SFSWAP: variants seen among roughly 807,000 people sequenced by gnomAD.
SFSWAP encodes the protein splicing factor SWAP.
Under a neutral mutation model 100.7 loss-of-function variants are expected in SFSWAP, and 17 were observed. The observed-to-expected ratio is 0.17, with a 90% confidence interval of 0.12 to 0.25. The LOEUF is 0.25. Among genes scored for constraint, SFSWAP ranks in the 10% least tolerant of loss-of-function variants. The pLI is 1.00. For synonymous variants in SFSWAP, 504 were observed against 510.1 expected, an observed-to-expected ratio of 0.99 and a Z score of 0.16; for missense variants, 1,005 against 1,262.6, an observed-to-expected ratio of 0.80 and a Z score of 3.09.
intron 7 of SFSWAP, among the ~76,000 whole-genome samples, chr12:131,738,898 T>TTTTTTTTTTTTC (rs1880317919): frequency 8.6e-6 from 1 of 116,956 alleles, no homozygotes; most frequent in Non-Finnish European, 1.8e-5. Flanking sequence ...TTTTTTTTTT[T>TTTTTTTTTTTTC]TTTTTTTTTT....
intron 11 of SFSWAP, among the ~76,000 whole-genome samples, chr12:131,763,449 A>G (rs1456505780): frequency 6.6e-6 from 1 of 152,172 alleles, no homozygotes; most frequent in Non-Finnish European, 1.5e-5. Flanking sequence ...GCCATTTATC[A>G]CAGCATCTGA....
chr12:131,737,971 C>A (rs1364256107), intron 7 of SFSWAP, among the ~76,000 whole-genome samples: 1 of 151,934 alleles, frequency 6.6e-6, no homozygotes, highest in Non-Finnish European at 1.5e-5. Flanking sequence ...AGCTATAAAT[C>A]CTTATAGAAG....
In SFSWAP at chr12:131,728,327, C is replaced by A; in HGVS notation, c.980C>A (p.Ala327Glu). The part of the protein sequence containing the change: ...LKVVDPDHPL[A>E]ALVRKAQADS... ...GTAGTGGACCCAGATCATCCCCTCG[C>A]AGCACTTGTTCGTAAGGCACAGGCT... is the stretch of plus-strand genomic sequence containing the variant. The change falls in exon 7 of 18, where the codon GCA (alanine) becomes GAA (glutamate). Residue 327 changes from alanine (A) to glutamate (E), a missense_variant. Around this residue, in one of 7 missense-constraint regions of SFSWAP, gnomAD observed 22 missense variants for 52.6 expected, o/e 0.42. Coordinates refer to ENST00000261674, the MANE Select transcript of SFSWAP (RefSeq NM_004592.4). 6.2e-7 allele frequency: 1 copy of A among 1,614,242 alleles called. No individual in the cohort carries two copies. Among genetic ancestry groups the A allele is most frequent in the Middle Eastern group, 1.6e-4 (1 of 6,062 alleles).
intron 7 of SFSWAP, among the ~76,000 whole-genome samples, chr12:131,729,063 A>G (rs1879264449): frequency 6.6e-6 from 1 of 152,262 alleles, no homozygotes. Context: ...CTCAGTGGCT[A>G]GTGTCCTGTC....
intron 4 of SFSWAP, among the ~76,000 whole-genome samples, chr12:131,721,898 T>C (rs1285738648): frequency 3.9e-5 from 6 of 152,260 alleles, no homozygotes; most frequent in Non-Finnish European, 7.3e-5. Context: ...TTTGCGTCTT[T>C]CATTTATTTT....
intron 10 of SFSWAP, 81 bp from the exon 11 acceptor site, chr12:131,756,392 C>CAT (rs3072495): frequency 0.44 from 561,455 of 1,261,858 alleles, 128,045 homozygotes; most frequent in East Asian, 0.54. Flanking sequence ...TCCAGTGAAA[C>CAT]ATATACCGTA....
At chr12:131,771,529 C>T (rs1041548037) in intron 13 of SFSWAP, among the ~76,000 whole-genome samples, 6 of 151,870 alleles carry the variant, frequency 4.0e-5, no homozygotes, top group South Asian at 2.1e-4. Context: ...GTAGGGTGTG[C>T]GAACTATTTC....
At chr12:131,752,647 G>A (rs993959164) in intron 7 of SFSWAP, among the ~76,000 whole-genome samples, 1 of 152,214 alleles carries the variant, frequency 6.6e-6, no homozygotes. Context: ...CCGGATTAAC[G>A]TGTGAATGGA....
At chr12:131,783,996 T>C (rs1884713463) in intron 14 of SFSWAP, 2 of 151,482 alleles carry the variant, frequency 1.3e-5, no homozygotes, top group South Asian at 2.1e-4. Context: ...CCACAATAAA[T>C]TGCATAGCAA....
intron 14 of SFSWAP, among the ~76,000 whole-genome samples, chr12:131,779,241 G>GTGAAGAGGGCGGCGCGGGTGAGCGTGTT (rs1884290052): frequency 6.7e-6 from 1 of 149,004 alleles, no homozygotes; most frequent in Non-Finnish European, 1.5e-5. Flanking sequence ...GTGAGCGTGT[G>GTGAAGAGGGCGGCGCGGGTGAGCGTGTT]TGAAGAGGGC....
chr12:131,727,591 G>A (rs1879103904), intron 6 of SFSWAP, among the ~76,000 whole-genome samples: 1 of 152,170 alleles, frequency 6.6e-6, no homozygotes, highest in African/African-American at 2.4e-5. Context: ...GTTGCAGTGA[G>A]CCAAGATCAC....
At chr12:131,770,369 C>T (rs542795339) in intron 13 of SFSWAP, among the ~76,000 whole-genome samples, 2 of 152,254 alleles carry the variant, frequency 1.3e-5, no homozygotes, top group Admixed American at 6.5e-5. Flanking sequence ...CTGTCGGGGC[C>T]GTGGCTAGCT....
At chr12:131,732,149 A>G (rs1879575925) in intron 7 of SFSWAP, among the ~76,000 whole-genome samples, 1 of 152,040 alleles carries the variant, frequency 6.6e-6, no homozygotes, top group South Asian at 2.1e-4. Flanking sequence ...ACCTCAGGTG[A>G]TCCGCCCACC....
chr12:131,718,106 G>A (rs1001637760), intron 3 of SFSWAP, among the ~76,000 whole-genome samples: 17 of 152,124 alleles, frequency 1.1e-4, no homozygotes, highest in Admixed American at 2.0e-4. Context: ...TGGATGGGAC[G>A]GTGTTAAATA....
At chr12:131,732,346 T>A (rs1879595761) in intron 7 of SFSWAP, among the ~76,000 whole-genome samples, 1 of 152,166 alleles carries the variant, frequency 6.6e-6, no homozygotes, top group South Asian at 2.1e-4. Context: ...CCTGTACAGA[T>A]CTCCCGAAGT....
chr12:131,780,382 G>A (rs1884403398), intron 14 of SFSWAP, among the ~76,000 whole-genome samples: 1 of 152,214 alleles, frequency 6.6e-6, no homozygotes, highest in Non-Finnish European at 1.5e-5. Context: ...CAGGCACAAT[G>A]GCTCACACCT....
chr12:131,757,193 G>A (rs1258844604), intron 11 of SFSWAP: 1 of 153,194 alleles, frequency 6.5e-6, no homozygotes, highest in Non-Finnish European at 1.5e-5. Context: ...TGGAGCAGCA[G>A]TGGGCTCCCC....
chr12:131,799,317 C>T, intron 17 of SFSWAP, 106 bp from the exon 18 acceptor site: 1 of 1,272,856 alleles, frequency 7.9e-7, no homozygotes, highest in Non-Finnish European at 1.1e-6. Context: ...CCCCACGGTG[C>T]TAGCACCGTC....
intron 16 of SFSWAP, among the ~76,000 whole-genome samples, chr12:131,797,885 G>A (rs1262671397): frequency 2.6e-5 from 4 of 152,248 alleles, no homozygotes; most frequent in African/African-American, 7.2e-5. Flanking sequence ...ACACCCTGGG[G>A]GGACCAGAGA....
Sources: allele counts gnomAD v4.1 joint callset (sites outside exome capture counted in the v4.1 genomes callset), GRCh38; gene constraint gnomAD v4.1.1; regional missense constraint gnomAD v4.1.1; transcripts MANE v1.5; gene names NCBI Gene and HGNC (gene_info 2026-07-23, HGNC 2026-07-21).